S100PBP: variants seen among roughly 807,000 people sequenced by gnomAD.
The protein encoded by S100PBP is S100P binding protein.
Under a neutral mutation model 39.9 loss-of-function variants are expected in S100PBP, and 15 were observed. That is an observed-to-expected ratio of 0.38 (90% confidence interval 0.25 to 0.58). The LOEUF (loss-of-function observed/expected upper bound fraction) is 0.58. S100PBP is among the 20% of genes least tolerant of loss of function. The probability of loss-of-function intolerance (pLI) is 0.70; values close to 1 mark genes in which losing one functional copy is unlikely to be tolerated. For missense variants in S100PBP, 504 were observed against 487.3 expected (o/e 1.03, Z -0.32); for synonymous variants, 178 against 180.3 (o/e 0.99, Z 0.10).
At chr1:32,824,763 G>A (rs1569839943) in intron 1 of S100PBP, 3 of 142,304 alleles carry the variant, frequency 2.1e-5, no homozygotes, top group Admixed American at 2.1e-4. Flanking sequence ...AGCATTTCAC[G>A]TTGTGCCCAG....
At chr1:32,841,201 T>G (rs1007740235) in intron 5 of S100PBP, among the ~76,000 whole-genome samples, 7 of 151,970 alleles carry the variant, frequency 4.6e-5, no homozygotes, top group African/African-American at 1.7e-4. Flanking sequence ...ATTTTCTTAT[T>G]ACTGAGTTTC....
At chr1:32,847,765 C>T (rs923844395) in intron 5 of S100PBP, 1 of 151,502 alleles carries the variant, frequency 6.6e-6, no homozygotes, top group Non-Finnish European at 1.5e-5. Context: ...TTTTTCTTTT[C>T]ATTTATATTT....
At chr1:32,854,735 A>G (rs1640756262) in intron 6 of S100PBP, among the ~76,000 whole-genome samples, 1 of 152,150 alleles carries the variant, frequency 6.6e-6, no homozygotes, top group South Asian at 2.1e-4. Flanking sequence ...ATCCCCTACA[A>G]AGGCCTATAT....
intron 5 of S100PBP, chr1:32,835,921 A>G (rs958471161): frequency 1.1e-4 from 17 of 152,282 alleles, no homozygotes; most frequent in East Asian, 3.9e-4. Context: ...CACTATGAAC[A>G]TGGGTCTACA....
intron 1 of S100PBP, among the ~76,000 whole-genome samples, chr1:32,821,669 C>T (rs539713807): frequency 6.9e-6 from 1 of 143,986 alleles, no homozygotes; most frequent in East Asian, 2.0e-4. Context: ...CAGTTTTACT[C>T]TGTCACCCAG....
At chr1:32,828,927 A>C (rs1457831184) in intron 4 of S100PBP, among the ~76,000 whole-genome samples, 2 of 152,126 alleles carry the variant, frequency 1.3e-5, no homozygotes, top group African/African-American at 2.4e-5. Flanking sequence ...GCTTGAGCCC[A>C]GGGGACAGAG....
Position 32,855,930 on chromosome 1 carries a change from C to G in S100PBP, c.1119C>G (p.Tyr373Ter). ...ACTCTCCCTCTCTCGATAGAAACTACGCCCGCCGACAGAAACATCTGCAAA... is the reference window on the plus strand; with the variant it reads ...ACTCTCCCTCTCTCGATAGAAACTAGGCCCGCCGACAGAAACATCTGCAAA... ...QHPSDLTTRNYARRQKHLQRY... is the reference protein window; with the variant it reads ...QHPSDLTTRN Residue 373 changes from tyrosine to a stop codon, truncating the protein, a stop_gained, in exon 7 of 7, where the codon TAC becomes TAG. Coordinates refer to ENST00000373475, the MANE Select transcript of S100PBP (RefSeq NM_022753.4). LOFTEE classifies it high-confidence loss of function. 1 of 1,610,890 alleles carries G rather than the reference C, an allele frequency of 6.2e-7. No homozygotes were observed. The highest frequency in any genetic ancestry group is 8.5e-7 in the Non-Finnish European group (1 of 1,177,802).
chr1:32,820,863 C>T (rs1339763126), intron 1 of S100PBP, among the ~76,000 whole-genome samples: 3 of 152,072 alleles, frequency 2.0e-5, no homozygotes, highest in African/African-American at 7.2e-5. Context: ...AAAAAATTAG[C>T]TGTGTATGGT....
chr1:32,848,970 A>G (rs1334375835), intron 5 of S100PBP, among the ~76,000 whole-genome samples: 2 of 152,188 alleles, frequency 1.3e-5, no homozygotes, highest in African/African-American at 2.4e-5. Context: ...GTTAGAGACT[A>G]TGAAGAGAAG....
At chr1:32,842,972 G>C (rs1450470819) in intron 5 of S100PBP, 1 of 152,104 alleles carries the variant, frequency 6.6e-6, no homozygotes, top group Non-Finnish European at 1.5e-5. Flanking sequence ...TGTAGCTTTT[G>C]TACAGTCTTG....
At chr1:32,828,750 C>T (rs562823129) in intron 4 of S100PBP, among the ~76,000 whole-genome samples, 8 of 152,228 alleles carry the variant, frequency 5.3e-5, no homozygotes, top group African/African-American at 1.9e-4. Context: ...CCTGTAATCC[C>T]AGCACTTTGG....
chr1:32,852,904 C>T, intron 5 of S100PBP, 175 bp from the exon 6 acceptor site: 1 of 554,524 alleles, frequency 1.8e-6, no homozygotes, highest in Non-Finnish European at 3.2e-6. Flanking sequence ...CTTCACCCTC[C>T]AAGAGTAATC....
intron 1 of S100PBP, among the ~76,000 whole-genome samples, chr1:32,819,290 A>G (rs563376707): frequency 8.5e-5 from 13 of 152,372 alleles, no homozygotes; most frequent in Non-Finnish European, 1.6e-4. Context: ...GGATATGGCC[A>G]GACATGGTGG....
chr1:32,827,546 C>T (rs992413284), intron 3 of S100PBP, among the ~76,000 whole-genome samples: 5 of 152,148 alleles, frequency 3.3e-5, no homozygotes, highest in Non-Finnish European at 7.4e-5. Flanking sequence ...TGCAGTGGCA[C>T]GATCTCGGCT....
intron 5 of S100PBP, among the ~76,000 whole-genome samples, chr1:32,831,895 C>T (rs1481561649): frequency 6.6e-6 from 1 of 152,012 alleles, no homozygotes; most frequent in African/African-American, 2.4e-5. Context: ...ATAAAATTTC[C>T]CAAGAAAAGC....
chr1:32,834,017 A>G (rs1024594990), intron 5 of S100PBP: 5 of 325,014 alleles, frequency 1.5e-5, no homozygotes, highest in Non-Finnish European at 2.6e-5. Context: ...GTTTATGTAC[A>G]ATTCTTATTT....
intron 5 of S100PBP, among the ~76,000 whole-genome samples, chr1:32,831,106 C>G (rs1489587459): frequency 6.6e-6 from 1 of 151,330 alleles, no homozygotes; most frequent in Non-Finnish European, 1.5e-5. Flanking sequence ...ACTCCATATT[C>G]TGTCATCTTC....
At chr1:32,852,762 C>T (rs927533559) in intron 5 of S100PBP, 1 of 227,444 alleles carries the variant, frequency 4.4e-6, no homozygotes, top group Admixed American at 5.3e-5. Context: ...TTGGAATCAT[C>T]TGTCTCCTGT....
chr1:32,822,648 A>G (rs1276190598), intron 1 of S100PBP, among the ~76,000 whole-genome samples: 1 of 151,594 alleles, frequency 6.6e-6, no homozygotes, highest in African/African-American at 2.4e-5. Context: ...AAGAGGAAGT[A>G]ACATCAGACA....
Sources: allele counts gnomAD v4.1 joint callset (sites outside exome capture counted in the v4.1 genomes callset), GRCh38; gene constraint gnomAD v4.1.1; transcripts MANE v1.5; gene names NCBI Gene and HGNC (gene_info 2026-07-23, HGNC 2026-07-21).